NOMO2: variants seen among roughly 807,000 people sequenced by gnomAD.
NOMO2 encodes the protein BOS complex subunit NOMO2.
In NOMO2, 14 loss-of-function variants were observed where a neutral mutation model predicts 67.1. That is an observed-to-expected ratio of 0.21 (90% confidence interval 0.14 to 0.33). NOMO2 has a LOEUF of 0.33. Among genes scored for constraint, NOMO2 ranks in the 10% least tolerant of loss-of-function variants. The pLI, the probability that NOMO2 is intolerant of heterozygous loss-of-function variation, is 1.00. For synonymous variants in NOMO2, 80 were observed against 305.9 expected, an observed-to-expected ratio of 0.26 and a Z score of 7.71; for missense variants, 178 against 761.0, an observed-to-expected ratio of 0.23 and a Z score of 9.01.
intron 11 of NOMO2, among the ~76,000 whole-genome samples, chr16:18,534,235 T>C (rs1479737036): frequency 6.6e-6 from 1 of 151,790 alleles, no homozygotes. Flanking sequence ...ATGAGCTCAC[T>C]ATCTCCAGCA....
Position 18,543,657 on chromosome 16 carries a change from C to T in NOMO2, c.695G>A (p.Gly232Glu). ...SVRSDGEPMK[G>E]VKFLLFSSLV... ...AGAAGAAAAGAGAAGAAACTTCACC[C>T]CTTTCATGGGCTCCCCATCACTTCG... Residue 232 changes from glycine to glutamate, a missense_variant, in exon 7 of 31, where the codon GGG (glycine) becomes GAG (glutamate). Coordinates refer to ENST00000622306, the MANE Select transcript of NOMO2 (RefSeq NM_173614.4). 1.2e-6 allele frequency: 2 copies of T among 1,611,748 alleles called. No homozygotes were observed. Among genetic ancestry groups the T allele is most frequent in the Non-Finnish European group, 1.7e-6 (2 of 1,179,774 alleles).
At chr16:18,549,404 G>A in intron 5 of NOMO2, 117 bp downstream of exon 5, 1 of 1,595,248 alleles carries the variant, frequency 6.3e-7, no homozygotes, top group African/African-American at 1.3e-5. Flanking sequence ...CCAAAGTTAA[G>A]AGGCTGAATC....
chr16:18,555,036 AAC>A (rs1901872109), intron 2 of NOMO2, among the ~76,000 whole-genome samples, 184 bp from the exon 3 acceptor site: 1 of 108,006 alleles, frequency 9.3e-6, no homozygotes, highest in South Asian at 3.6e-4. Flanking sequence ...GCTGAAGCTG[AAC>A]ACCAGAAGTT....
chr16:18,550,138 C>T (rs1468965294), intron 4 of NOMO2, among the ~76,000 whole-genome samples: 7 of 32,754 alleles, frequency 2.1e-4, no homozygotes, highest in African/African-American at 3.7e-4. Flanking sequence ...CCAGCCTGGG[C>T]GACAGAGGGA....
At chr16:18,559,753 C>A (rs748784018) in intron 1 of NOMO2, among the ~76,000 whole-genome samples, 1 of 152,024 alleles carries the variant, frequency 6.6e-6, no homozygotes, top group African/African-American at 2.4e-5. Context: ...CAGATCACTA[C>A]AAAACCCAAG....
rs1430321028 is a variant in NOMO2, at chr16:18,561,927, G to A, written c.114C>T (p.Gly38=). 1.1e-5 allele frequency: 17 copies of A among 1,579,726 alleles called. No homozygotes were observed. Among genetic ancestry groups the A allele is most frequent in the Non-Finnish European group, 1.0e-5 (12 of 1,165,056 alleles). ...PAHGSEDIVV[G]CGGFVKSDVE... ...CGTCCGACTTGACGAAGCCACCGCAGCCCACCACGATGTCCTCCGAGCCGT... is the reference window on the plus strand; with the variant it reads ...CGTCCGACTTGACGAAGCCACCGCAACCCACCACGATGTCCTCCGAGCCGT... The change falls in exon 1 of 31, where the codon GGC becomes GGT. Residue 38 remains glycine (G), a synonymous_variant. Transcript: ENST00000622306.
chr16:18,560,428 T>A (rs1044901369), intron 1 of NOMO2, among the ~76,000 whole-genome samples: 3 of 147,376 alleles, frequency 2.0e-5, no homozygotes, highest in Non-Finnish European at 3.0e-5. Flanking sequence ...GAGGCCTTAC[T>A]GGCCTCTTGC....
At chr16:18,539,077 C>G (rs1476563704) in intron 9 of NOMO2, 113 bp from the exon 10 acceptor site, 1 of 688,004 alleles carries the variant, frequency 1.5e-6, no homozygotes, top group Non-Finnish European at 2.7e-6. Context: ...TGCCGCCCAC[C>G]TCCCAACACT....
At position 18,558,713 on chromosome 16, in the gene NOMO2, T is replaced by C. The variant is rs1210937150; in HGVS notation, c.166-922A>G. On this transcript the variant is annotated intron_variant, in intron 1 of 30. Transcript: ENST00000622306. ...TACCAGACACGAAGTGTTAACCCAG[T>C]AAGATGCCCAAATGCCATCTGAGTC... is the stretch of plus-strand genomic sequence containing the variant. The C allele has an allele frequency of 7.6e-6, 3 of 392,582 alleles. No individual in the cohort carries two copies. The East Asian group carries it at 2.2e-4, about 29-fold the overall frequency. 24.3% of individuals were successfully genotyped at this position (392,582 alleles called of 1,614,324 possible).
In NOMO2 at chr16:18,562,067, C is replaced by T; in HGVS notation, c.-27G>A. The T allele has an allele frequency of 7.1e-7, 1 of 1,415,726 alleles. No homozygotes were observed. Among genetic ancestry groups the T allele is most frequent in the Non-Finnish European group, 9.2e-7 (1 of 1,090,430 alleles). The allele number at this position is 1,415,726 out of a possible 1,614,324, so 87.7% of individuals were successfully genotyped here. ...GCCCGACCTCCCCCAGCTAGACCCA[C>T]CGCCGGCAGCCGGGTCCCGCCCCTC... On this transcript the variant is annotated 5_prime_UTR_variant, in exon 1 of 31. It adds an upstream start codon to the 5' untranslated region. Transcript: ENST00000622306.
intron 11 of NOMO2, among the ~76,000 whole-genome samples, chr16:18,536,303 T>C (rs1901421409): frequency 6.6e-6 from 1 of 152,200 alleles, no homozygotes; most frequent in Non-Finnish European, 1.5e-5. Flanking sequence ...ACTTTTAGTC[T>C]TTACTAAGGT....
chr16:18,558,595 T>C (rs1285552391), intron 1 of NOMO2: 1 of 198,548 alleles, frequency 5.0e-6, no homozygotes, highest in Non-Finnish European at 1.1e-5. Flanking sequence ...AATTTTCTCA[T>C]TACTTTCATT....
chr16:18,531,466 C>A lies in NOMO2; in HGVS notation c.1537G>T (p.Asp513Tyr). Reference protein sequence around the residue: ...ASVSGKVSCLDTCGDLLVTLQ... With the variant: ...ASVSGKVSCLYTCGDLLVTLQ... ...TTCTTACTTTCCAGTGATATCTTAC[C>A]CAAACAAGAGACTTTCCCAGAAACT... is the stretch of plus-strand genomic sequence containing the variant. The change falls in exon 13 of 31, where the codon GAC (aspartate) becomes TAC (tyrosine). Residue 513 changes from aspartate to tyrosine, a missense_variant and splice_region_variant. Coordinates refer to ENST00000622306, the MANE Select transcript of NOMO2 (RefSeq NM_173614.4). 6.2e-7 allele frequency: 1 copy of A among 1,612,872 alleles called. No homozygotes were observed. The highest frequency in any genetic ancestry group is 8.5e-7 in the Non-Finnish European group (1 of 1,179,646).
chr16:18,530,660 A>T (rs1400238911), intron 14 of NOMO2, among the ~76,000 whole-genome samples: 1 of 148,148 alleles, frequency 6.8e-6, no homozygotes, highest in Non-Finnish European at 1.5e-5. Flanking sequence ...TACAGATGGG[A>T]AAACTGAGTT....
intron 11 of NOMO2, chr16:18,533,940 T>A (rs1360999083): frequency 6.6e-6 from 1 of 151,726 alleles, no homozygotes; most frequent in Admixed American, 6.6e-5. Context: ...TGTATTAAAG[T>A]GTAATAGTAC....
intron 11 of NOMO2, among the ~76,000 whole-genome samples, chr16:18,535,769 T>A (rs1260138314): frequency 2.0e-5 from 3 of 151,926 alleles, no homozygotes; most frequent in Non-Finnish European, 4.4e-5. Flanking sequence ...TAAAGTACCA[T>A]GATCCCTATC....
chr16:18,531,819 AG>A (rs1901309720), intron 12 of NOMO2, among the ~76,000 whole-genome samples: 1 of 152,122 alleles, frequency 6.6e-6, no homozygotes, highest in Non-Finnish European at 1.5e-5. Context: ...TAGCCTCAAC[AG>A]ACCGATGTGT....
Position 18,531,481 on chromosome 16 carries a change from T to C in NOMO2, c.1522A>G (p.Lys508Glu), listed in dbSNP as rs956630170. Residue 508 changes from lysine (K) to glutamate (E), a missense_variant, in exon 13 of 31, where the codon AAA becomes GAA. Physicochemically the swap from Lys to Glu is moderately conservative, Grantham distance 56. Transcript: ENST00000622306. The part of the protein sequence containing the change: ...FVQFLASVSG[K>E]VSCLDTCGDL... ...GATATCTTACCCAAACAAGAGACTTTCCCAGAAACTGATGCCAAGAACTGT... is the reference window on the plus strand; with the variant it reads ...GATATCTTACCCAAACAAGAGACTTCCCCAGAAACTGATGCCAAGAACTGT... 2 of 1,611,768 alleles carry C rather than the reference T, an allele frequency of 1.2e-6. No homozygotes were observed. Among genetic ancestry groups the C allele is most frequent in the African/African-American group, 2.7e-5 (2 of 74,712 alleles).
In NOMO2 at chr16:18,507,494, A is replaced by G. The variant is rs1395762208; in HGVS notation, c.3325-502T>C. 3.6e-5 allele frequency among the ~76,000 whole-genome samples: 2 copies of G among 54,830 alleles called. 1 individual carries two copies. Among genetic ancestry groups the G allele is most frequent in the Non-Finnish European group, 7.2e-5 (2 of 27,930 alleles). The allele number at this position is 54,830 out of a possible 152,430, so 36.0% of individuals were successfully genotyped here. ...GCTGAGCACCGACCAGCTGCCAGGC[A>G]CCATGCACATTGCATGAGGCCCGCG... On this transcript the variant is annotated intron_variant, in intron 28 of 30. Transcript: ENST00000622306.
Sources: allele counts gnomAD v4.1 joint callset (sites outside exome capture counted in the v4.1 genomes callset), GRCh38; gene constraint gnomAD v4.1.1; transcripts MANE v1.5; gene names NCBI Gene and HGNC (gene_info 2026-07-23, HGNC 2026-07-21).